GCNT1: variants seen among roughly 807,000 people sequenced by gnomAD.
GCNT1 encodes the protein glucosaminyl (N-acetyl) transferase 1, also known as beta-1,3-galactosyl-O-glycosyl-glycoprotein beta-1,6-N-acetylglucosaminyltransferase.
Under a neutral mutation model 26.2 loss-of-function variants are expected in GCNT1, and 16 were observed. That is an observed-to-expected ratio of 0.61 (90% CI 0.41 to 0.93). GCNT1 has a LOEUF of 0.93. Among genes scored for constraint, GCNT1 ranks in the 40% least tolerant of loss-of-function variants. The probability of loss-of-function intolerance (pLI) is 0.00; values close to 1 mark genes in which losing one functional copy is unlikely to be tolerated. For synonymous variants in GCNT1, 183 were observed against 190.8 expected (o/e 0.96, Z 0.34); for missense variants, 477 against 526.7 (o/e 0.91, Z 0.92).
At chr9:76,461,127 G>A (rs1243700826) in intron 2 of GCNT1, among the ~76,000 whole-genome samples, 1 of 151,770 alleles carries the variant, frequency 6.6e-6, no homozygotes, top group Non-Finnish European at 1.5e-5. Flanking sequence ...CTAAGGCTGG[G>A]TGGATATTGG....
chr9:76,424,877 C>T (rs1026375510), intron 1 of GCNT1, among the ~76,000 whole-genome samples: 1 of 152,140 alleles, frequency 6.6e-6, no homozygotes, highest in Non-Finnish European at 1.5e-5. Flanking sequence ...TGGTGGCTCA[C>T]GCCTGTAATC....
At chr9:76,393,995 G>A in the GCNT1 span, 4 of 1,197,992 alleles carry the variant, frequency 3.3e-6, no homozygotes, top group East Asian at 2.8e-5. Flanking sequence ...CCCGCGGTCC[G>A]GAGGCCCCAC....
chr9:76,398,206 TC>T, the GCNT1 span, among the ~76,000 whole-genome samples: 1 of 152,176 alleles, frequency 6.6e-6, no homozygotes, highest in Non-Finnish European at 1.5e-5. Context: ...GAAGGCTTAT[TC>T]TAAGTAAGCA....
chr9:76,433,863 G>A (rs1823370047), intron 1 of GCNT1, among the ~76,000 whole-genome samples: 1 of 152,198 alleles, frequency 6.6e-6, no homozygotes, highest in Non-Finnish European at 1.5e-5. Context: ...TGTGACTTCA[G>A]CCCTCAGTTT....
the GCNT1 span, among the ~76,000 whole-genome samples, chr9:76,396,825 C>T: frequency 6.6e-6 from 1 of 152,244 alleles, no homozygotes; most frequent in South Asian, 2.1e-4. Flanking sequence ...GGCAACAGAG[C>T]GAGACTCTGT....
chr9:76,502,161 C>G, intron 3 of GCNT1, 78 bp from the exon 4 acceptor site: 1 of 116,536 alleles, frequency 8.6e-6, no homozygotes, highest in Non-Finnish European at 1.5e-5. Context: ...GAAAAACTCT[C>G]TCTCTCTCTC....
intron 1 of GCNT1, among the ~76,000 whole-genome samples, chr9:76,436,354 GAGGC>G: frequency 6.6e-6 from 1 of 152,124 alleles, no homozygotes; most frequent in East Asian, 1.9e-4. Flanking sequence ...TTGGGAGGCA[GAGGC>G]AGGCAGATCA....
intron 2 of GCNT1, among the ~76,000 whole-genome samples, chr9:76,493,936 A>G (rs1430527363): frequency 6.6e-6 from 1 of 152,114 alleles, no homozygotes; most frequent in African/African-American, 2.4e-5. Flanking sequence ...TGCAGAAAAA[A>G]ATAAGCCACT....
chr9:76,428,291 T>A lies in GCNT1; in HGVS notation n.38+8404T>A, dbSNP rs879681514. ...AAAAAAAAAAAAAAAAAAAAAAAAC[T>A]TAAAAAAAAAAAGAGAGAGAGAAAT... On this transcript the variant is annotated intron_variant and non_coding_transcript_variant, in intron 1 of 3. Coordinates refer to the GCNT1 transcript ENST00000488136. Among the ~76,000 whole-genome samples, 519 of 76,252 alleles carry A rather than the reference T, an allele frequency of 6.8e-3. 5 individuals are homozygous for A. The highest frequency in any genetic ancestry group is 9.1e-3 in the Non-Finnish European group (301 of 32,988). The allele number at this position is 76,252 out of a possible 152,430, so 50.0% of individuals were successfully genotyped here. A position where few individuals can be genotyped will look rare whatever the true frequency, so the allele number is the denominator to read the frequency against.
Position 76,428,279 on chromosome 9 carries a change from AAAAAAAAAAACTT to A in GCNT1, n.38+8403_38+8415del, listed in dbSNP as rs1297033871. 5.6e-3 allele frequency among the ~76,000 whole-genome samples: 800 copies of A among 142,590 alleles called. 39 individuals carry two copies. The highest frequency in any genetic ancestry group is 0.038 in the Middle Eastern group (10 of 260). The allele number at this position is 142,590 out of a possible 152,430, so 93.5% of individuals were successfully genotyped here. ...AGACTCCGTCTCAAAAAAAAAAAAA[AAAAAAAAAAACTT>A]AAAAAAAAAAAGAGAGAGAGAAATG... On this transcript the variant is annotated intron_variant and non_coding_transcript_variant, in intron 1 of 3. Coordinates refer to the GCNT1 transcript ENST00000488136.
upstream of GCNT1, among the ~76,000 whole-genome samples, chr9:76,440,032 C>T (rs539325893): frequency 1.4e-3 from 214 of 150,992 alleles, 2 homozygotes; most frequent in African/African-American, 4.9e-3. Context: ...ACCCAGGAGG[C>T]GGAGGTTGCA....
chr9:76,492,239 C>T (rs1232581904), intron 2 of GCNT1, among the ~76,000 whole-genome samples: 1 of 152,122 alleles, frequency 6.6e-6, no homozygotes, highest in Admixed American at 6.6e-5. Context: ...CAGCGGACAA[C>T]AAATGGGTAA....
At chr9:76,449,324 C>A (rs1391424871) in intron 1 of GCNT1, among the ~76,000 whole-genome samples, 2 of 141,100 alleles carry the variant, frequency 1.4e-5, no homozygotes, top group Non-Finnish European at 3.2e-5. Context: ...AAAAAAAAAA[C>A]AAGCAAATAA....
At chr9:76,487,981 G>T (rs539381542) in intron 2 of GCNT1, among the ~76,000 whole-genome samples, 159 of 152,110 alleles carry the variant, frequency 1.0e-3, no homozygotes, top group Non-Finnish European at 1.8e-3. Context: ...CGATCCACTC[G>T]CCTCCACCTC....
intron 1 of GCNT1, among the ~76,000 whole-genome samples, chr9:76,428,302 A>AAAAAAAAAAAAAAAAAAAAAAAAG (rs1222053703): frequency 5.4e-5 from 8 of 149,318 alleles, no homozygotes; most frequent in African/African-American, 9.9e-5. Flanking sequence ...TAAAAAAAAA[A>AAAAAAAAAAAAAAAAAAAAAAAAG]AGAGAGAGAG....
At chr9:76,412,101 T>C in the GCNT1 span, among the ~76,000 whole-genome samples, 1 of 152,218 alleles carries the variant, frequency 6.6e-6, no homozygotes, top group Non-Finnish European at 1.5e-5. Flanking sequence ...ACTATACTGC[T>C]TTATAGGTAG....
the GCNT1 span, among the ~76,000 whole-genome samples, chr9:76,410,892 G>A: frequency 6.6e-6 from 1 of 152,158 alleles, no homozygotes; most frequent in Admixed American, 6.5e-5. Context: ...TATACACTAT[G>A]GATTGTTATG....
intron 2 of GCNT1, among the ~76,000 whole-genome samples, chr9:76,485,047 A>G (rs1824534760): frequency 6.6e-6 from 1 of 152,204 alleles, no homozygotes; most frequent in Admixed American, 6.5e-5. Context: ...TTGGCCTCCC[A>G]AAGTGCTGGG....
Position 76,495,515 on chromosome 9 carries a change from C to T in GCNT1, c.-289-5401C>T, listed in dbSNP as rs1029881709. 2.0e-5 allele frequency among the ~76,000 whole-genome samples: 3 copies of T among 152,308 alleles called. No homozygotes were observed. In the South Asian group the frequency reaches 6.2e-4, roughly 32 times the overall value. On this transcript the variant is annotated intron_variant, in intron 2 of 3. Coordinates refer to ENST00000376730, the MANE Select transcript of GCNT1 (RefSeq NM_001490.5). ...GGCTTGGGTGGCCAGCTTTTATTCC[C>T]TTATTTGCTCCCGCCTATGTCCTGC...
Sources: gnomAD v4.1 joint callset for allele counts (sites outside exome capture counted in the v4.1 genomes callset) on GRCh38, gnomAD v4.1.1 for gene constraint, MANE v1.5 for transcripts, NCBI Gene and HGNC (gene_info 2026-07-23, HGNC 2026-07-21) for gene names.